Variants in DISC1 observed in about 807,000 individuals in gnomAD.
DISC1 encodes the protein disrupted in schizophrenia 1 protein.
A neutral mutation model predicts 84.5 loss-of-function variants in DISC1; 57 were observed. That is an observed-to-expected ratio of 0.67 (90% CI 0.55 to 0.84). The LOEUF (loss-of-function observed/expected upper bound fraction) is 0.84, where lower values mean the gene tolerates loss of function less well. DISC1 is among the 40% of genes least tolerant of loss of function. The pLI is 0.00. For missense variants in DISC1, 1,000 were observed against 1,057.8 expected (o/e 0.95, Z 0.76); for synonymous variants, 411 against 415.2 (o/e 0.99, Z 0.12).
At chr1:231,769,265 TA>T (rs1473990821) in intron 5 of DISC1, among the ~76,000 whole-genome samples, 2 of 152,168 alleles carry the variant, frequency 1.3e-5, no homozygotes, top group African/African-American at 2.4e-5. Flanking sequence ...CCCTTCTGGG[TA>T]TATATCTGTC....
chr1:231,990,362 G>A (rs749956148), intron 10 of DISC1, among the ~76,000 whole-genome samples: 6 of 151,856 alleles, frequency 4.0e-5, no homozygotes, highest in African/African-American at 9.7e-5. Flanking sequence ...TCTCCTTCCG[G>A]CCAAGAGTCC....
chr1:231,825,052 G>A (rs1405400583), intron 9 of DISC1, among the ~76,000 whole-genome samples: 1 of 152,128 alleles, frequency 6.6e-6, no homozygotes, highest in Non-Finnish European at 1.5e-5. Context: ...CCCCTTGTAT[G>A]TGAATTTCCA....
At chr1:231,793,689 A>G (rs202021553) in intron 6 of DISC1, among the ~76,000 whole-genome samples, 1 of 152,038 alleles carries the variant, frequency 6.6e-6, no homozygotes, top group Non-Finnish European at 1.5e-5. Context: ...AAACAAAAAC[A>G]CTTCTTTCAT....
In DISC1 at chr1:232,036,994, A is replaced by C; in HGVS notation, c.*163A>C. The C allele has an allele frequency of 3.0e-6, 2 of 662,096 alleles. No individual in the cohort carries two copies. The highest frequency in any genetic ancestry group is 4.1e-5 in the Admixed American group (1 of 24,504). The allele number at this position is 662,096 out of a possible 1,614,324, so 41.0% of individuals were successfully genotyped here. ...TTCATGTTCATTCTCATCAGTGTGA[A>C]ACTGAGGAGTCTGCAATTTGGAATA... On this transcript the variant is annotated 3_prime_UTR_variant, in exon 13 of 13. Coordinates refer to ENST00000439617, the MANE Select transcript of DISC1 (RefSeq NM_018662.3).
intron 3 of DISC1, chr1:231,723,314 C>T (rs759160688): frequency 8.4e-5 from 83 of 985,868 alleles, no homozygotes; most frequent in Non-Finnish European, 9.9e-5. Context: ...TCAACCATAA[C>T]TGCAGGCAGA....
At chr1:231,991,010 G>A (rs747203332) in intron 10 of DISC1, among the ~76,000 whole-genome samples, 4 of 152,202 alleles carry the variant, frequency 2.6e-5, no homozygotes, top group Non-Finnish European at 5.9e-5. Context: ...CATCAGCCTC[G>A]CCAGGCGGCA....
chr1:231,780,122 G>A (rs1456478634), intron 6 of DISC1, among the ~76,000 whole-genome samples: 3 of 151,556 alleles, frequency 2.0e-5, no homozygotes, highest in Non-Finnish European at 4.4e-5. Context: ...AGCATTGGGA[G>A]ATATACCTAA....
chr1:231,842,950 T>C (rs546223108), intron 9 of DISC1, among the ~76,000 whole-genome samples: 54 of 152,304 alleles, frequency 3.5e-4, no homozygotes, highest in Admixed American at 1.2e-3. Context: ...TGCTTTCAAC[T>C]AATTTTTATA....
Position 231,976,903 on chromosome 1 carries a change from G to A in DISC1, c.2042+18015G>A, listed in dbSNP as rs376210835. Among the ~76,000 whole-genome samples, 89 of 152,140 alleles carry A rather than the reference G, an allele frequency of 5.8e-4. 1 individual carries two copies. Among genetic ancestry groups the A allele is most frequent in the South Asian group, 5.2e-3 (25 of 4,812 alleles). On this transcript the variant is annotated intron_variant, in intron 10 of 12. Coordinates refer to ENST00000439617, the MANE Select transcript of DISC1 (RefSeq NM_018662.3). The stretch of plus-strand genomic sequence containing the variant: ...ACCTTCATCAAGATATCTGTGCATC[G>A]GATAATCTGCTATATACTTTAAAGA...
intron 7 of DISC1, among the ~76,000 whole-genome samples, chr1:231,798,909 C>T (rs887274885): frequency 6.6e-6 from 1 of 152,076 alleles, no homozygotes; most frequent in Non-Finnish European, 1.5e-5. Flanking sequence ...AATCTCAATT[C>T]AAACTGATAT....
chr1:231,818,544 C>A (rs202216120), intron 9 of DISC1, 27 bp downstream of exon 9: 2 of 1,613,486 alleles, frequency 1.2e-6, no homozygotes, highest in South Asian at 2.2e-5. Context: ...TGTTCCCCGG[C>A]AAGATATTGA....
In DISC1 at chr1:231,954,271, T is replaced by C. The variant is rs1161310754; in HGVS notation, c.1982-4557T>C. Among the ~76,000 whole-genome samples, 1 of 152,234 alleles carries C rather than the reference T, an allele frequency of 6.6e-6. No individual in the cohort carries two copies. The highest frequency in any genetic ancestry group is 2.4e-5 in the African/African-American group (1 of 41,466). ...GTCCCTGGAAGCCGTGTCCTTTTTC[T>C]ATTTAATTAGTGCCAAGTATATGGT... is the stretch of plus-strand genomic sequence containing the variant. On this transcript the variant is annotated intron_variant, in intron 9 of 12. Transcript: ENST00000439617. The surrounding 1 kb of genome is among the most constrained non-coding windows in gnomAD (Gnocchi z 4.8).
rs2081250596 is a variant in DISC1 at position 231,818,480 on chromosome 1, A to T, written c.1944A>T (p.Arg648Ser). Residue 648 changes from arginine to serine, a missense_variant, in exon 9 of 13, where the codon AGA becomes AGT. Coordinates refer to ENST00000439617, the MANE Select transcript of DISC1 (RefSeq NM_018662.3). ...KLGSVKEDYNRLRREVEHQET... is the reference protein window; with the variant it reads ...KLGSVKEDYNSLRREVEHQET... ...GAAGTGTTAAAGAAGATTACAACAG[A>T]CTGAGAAGAGAAGTGGAGCACCAGG... The T allele has an allele frequency of 6.2e-7, 1 of 1,614,170 alleles. No homozygotes were observed. The highest frequency in any genetic ancestry group is 2.2e-5 in the East Asian group (1 of 44,876).
At chr1:231,653,413 T>C (rs73113427) in intron 1 of DISC1, among the ~76,000 whole-genome samples, 6,521 of 152,140 alleles carry the variant, frequency 0.043, 453 homozygotes, top group African/African-American at 0.15. Context: ...CCCTTGCTGC[T>C]TAGCTGGCTG....
chr1:232,002,023 C>G (rs1666752299), intron 10 of DISC1, among the ~76,000 whole-genome samples: 1 of 152,004 alleles, frequency 6.6e-6, no homozygotes, highest in African/African-American at 2.4e-5. Flanking sequence ...TACAAAGTCT[C>G]AAAACCCAAC....
At chr1:231,860,738 A>AT (rs1430024897) in intron 9 of DISC1, among the ~76,000 whole-genome samples, 1 of 152,002 alleles carries the variant, frequency 6.6e-6, no homozygotes. Flanking sequence ...CACAATTCTC[A>AT]TTTTTTGTTA....
intron 8 of DISC1, among the ~76,000 whole-genome samples, chr1:231,812,670 ATTC>A (rs1349924918): frequency 6.6e-6 from 1 of 152,210 alleles, no homozygotes; most frequent in Non-Finnish European, 1.5e-5. Flanking sequence ...TAGGTGGCAT[ATTC>A]TTCTCCACAC....
chr1:231,885,734 A>G (rs1372942323), intron 9 of DISC1, among the ~76,000 whole-genome samples: 1 of 152,160 alleles, frequency 6.6e-6, no homozygotes, highest in Non-Finnish European at 1.5e-5. Flanking sequence ...GGAATTTTCT[A>G]ATAGTGTCTA....
At chr1:231,957,672 C>G (rs1334139463) in intron 9 of DISC1, among the ~76,000 whole-genome samples, 2 of 152,272 alleles carry the variant, frequency 1.3e-5, no homozygotes, top group African/African-American at 4.8e-5. Flanking sequence ...AAAAAAGATA[C>G]CAACTTAAAC....
Sources: gnomAD v4.1 joint callset for allele counts (sites outside exome capture counted in the v4.1 genomes callset) on GRCh38, gnomAD v4.1.1 for gene constraint, Gnocchi (gnomAD v3.1) non-coding constraint, MANE v1.5 for transcripts, NCBI Gene and HGNC (gene_info 2026-07-23, HGNC 2026-07-21) for gene names.